COL6A2: variants seen among roughly 807,000 people sequenced by gnomAD.
COL6A2 encodes the protein collagen alpha-2(VI) chain.
Under a neutral mutation model 124.9 loss-of-function variants are expected in COL6A2, and 90 were observed. That is an observed-to-expected ratio of 0.72 (90% CI 0.61 to 0.86). The LOEUF is 0.86. Among genes scored for constraint, COL6A2 ranks in the 40% least tolerant of loss-of-function variants. The pLI, the probability that COL6A2 is intolerant of heterozygous loss-of-function variation, is 0.00. For synonymous variants in COL6A2, 793 were observed against 618.2 expected (o/e 1.28, Z -4.19); for missense variants, 1,607 against 1,502.5 (o/e 1.07, Z -1.15).
chr21:46,119,958 CTCACTCTCCAGAGT>C, intron 15 of COL6A2, 108 bp downstream of exon 15: 3 of 979,260 alleles, frequency 3.1e-6, no homozygotes, highest in East Asian at 2.6e-5. Flanking sequence ...ACCCCAGGGC[CTCACTCTCCAGAGT>C]TCACTCTCTG....
chr21:46,110,339 C>T (rs2078381617), intron 1 of COL6A2, among the ~76,000 whole-genome samples: 1 of 150,030 alleles, frequency 6.7e-6, no homozygotes, highest in African/African-American at 2.5e-5. Context: ...CTTTTAGGGA[C>T]TTTTTTTTTT....
chr21:46,130,086 G>A (rs761618721), intron 27 of COL6A2, among the ~76,000 whole-genome samples: 4 of 152,220 alleles, frequency 2.6e-5, no homozygotes, highest in Non-Finnish European at 5.9e-5. Context: ...GGTGGCAGGT[G>A]AAGGCTTCCG....
At chr21:46,109,269 G>C (rs1379229925) in intron 1 of COL6A2, among the ~76,000 whole-genome samples, 1 of 152,180 alleles carries the variant, frequency 6.6e-6, no homozygotes. Flanking sequence ...TCAGCAGAGA[G>C]AGCACCTCCT....
intron 14 of COL6A2, among the ~76,000 whole-genome samples, chr21:46,119,321 C>T (rs2078524913): frequency 6.6e-6 from 1 of 152,318 alleles, no homozygotes; most frequent in African/African-American, 2.4e-5. Context: ...AAAGCCCAGG[C>T]AGGTCCTCCA....
chr21:46,126,746 A>G (rs980689425), intron 27 of COL6A2, among the ~76,000 whole-genome samples: 4 of 152,154 alleles, frequency 2.6e-5, no homozygotes, highest in African/African-American at 4.8e-5. Flanking sequence ...CCAGGAACGC[A>G]GGAACAGCAT....
chr21:46,124,185 G>C (rs1045264289), intron 21 of COL6A2, among the ~76,000 whole-genome samples: 1 of 150,504 alleles, frequency 6.6e-6, no homozygotes, highest in Admixed American at 6.6e-5. Flanking sequence ...AGGATGGGTG[G>C]ATGAATGGAT....
intron 13 of COL6A2, 92 bp from the exon 14 acceptor site, chr21:46,118,938 A>G (rs2078518231): frequency 1.8e-6 from 2 of 1,102,588 alleles, no homozygotes; most frequent in East Asian, 2.5e-5. Context: ...CCGCTGGAAG[A>G]TAATAGGGGC....
chr21:46,124,755 C>T, intron 22 of COL6A2, 42 bp downstream of exon 22: 4 of 1,605,082 alleles, frequency 2.5e-6, no homozygotes, highest in African/African-American at 1.3e-5. Context: ...CCCAACCTGC[C>T]AGGCCAACAC....
At chr21:46,108,168 C>T (rs1329599404) in intron 1 of COL6A2, among the ~76,000 whole-genome samples, 1 of 150,996 alleles carries the variant, frequency 6.6e-6, no homozygotes, top group Non-Finnish European at 1.5e-5. Context: ...ACAATCCTAT[C>T]TTTAATAAGG....
rs1209306942 is a variant in COL6A2, at chr21:46,115,911, C to T, written c.841C>T (p.Gln281Ter). 1 of 1,612,832 alleles carries T rather than the reference C, an allele frequency of 6.2e-7. No individual in the cohort carries two copies. The highest frequency in any genetic ancestry group is 8.5e-7 in the Non-Finnish European group (1 of 1,180,012). ...CATGGGTGAGCCGGGAGAGCCTGGC[C>T]AGAAGGGAAGACAGGTGAGTGTCCT... The part of the protein sequence containing the change: ...GNMGEPGEPG[Q>*]KGRQGDPGIE... The change falls in exon 6 of 28, where the codon CAG (glutamine) becomes TAG (stop). Residue 281 changes from glutamine (Q) to a stop codon, truncating the protein, a stop_gained. Transcript: ENST00000300527. LOFTEE classifies it high-confidence loss of function.
rs772646535 is a variant in COL6A2 at position 46,111,562 on chromosome 21, A to C, written c.86A>C (p.Asp29Ala). The change falls in exon 2 of 28, where the codon GAC becomes GCC. Residue 29 changes from aspartate (D) to alanine (A), a missense_variant. Asp to Ala is a moderately radical substitution (Grantham distance 126). Around this residue, in one of 3 missense-constraint regions of COL6A2, gnomAD observed 342 missense variants for 381.5 expected, o/e 0.90. Coordinates refer to ENST00000300527, the MANE Select transcript of COL6A2 (RefSeq NM_001849.4). ...QAQQQEVISPDTTERNNNCPE... is the reference protein window; with the variant it reads ...QAQQQEVISPATTERNNNCPE... The stretch of plus-strand genomic sequence containing the variant: ...CAGCAGCAGGAGGTCATCTCGCCGG[A>C]CACTACCGAGAGAAACAACAACTGC... 6.2e-7 allele frequency: 1 copy of C among 1,612,764 alleles called. No homozygotes were observed. The highest frequency in any genetic ancestry group is 1.3e-5 in the African/African-American group (1 of 74,980).
At chr21:46,109,700 G>A (rs771978567) in intron 1 of COL6A2, among the ~76,000 whole-genome samples, 19 of 152,184 alleles carry the variant, frequency 1.2e-4, no homozygotes, top group Non-Finnish European at 2.8e-4. Flanking sequence ...GCACCCACCC[G>A]GCCAGGCTGT....
At chr21:46,111,796 C>T (rs1360801921) in intron 2 of COL6A2, among the ~76,000 whole-genome samples, 183 bp from the exon 3 acceptor site, 2 of 8,990 alleles carry the variant, frequency 2.2e-4, no homozygotes, top group Non-Finnish European at 2.0e-4. Flanking sequence ...GGTCGGGGGC[C>T]GGGGGCTCTG....
At chr21:46,119,251 T>C in intron 14 of COL6A2, 132 bp downstream of exon 14, 2 of 751,244 alleles carry the variant, frequency 2.7e-6, no homozygotes, top group Non-Finnish European at 2.3e-6. Context: ...CAGGCCCCCA[T>C]CCTCCCAAGA....
chr21:46,128,752 G>A, intron 27 of COL6A2: 3 of 752,796 alleles, frequency 4.0e-6, no homozygotes, highest in African/African-American at 1.7e-5. Flanking sequence ...GACAGTTCTG[G>A]GTGTAGAGGA....
rs377210303 is a variant in COL6A2 at position 46,124,689 on chromosome 21, G to C, written c.1710G>C (p.Gly570=). 3 of 1,612,882 alleles carry C rather than the reference G, an allele frequency of 1.9e-6. No homozygotes were observed. Among genetic ancestry groups the C allele is most frequent in the East Asian group, 2.2e-5 (1 of 44,872 alleles). Residue 570 remains glycine (G), a synonymous_variant, in exon 22 of 28, where the codon GGG becomes GGC. Coordinates refer to ENST00000300527, the MANE Select transcript of COL6A2 (RefSeq NM_001849.4). ...CCCCTGGTGAGCCAGGCCCTCGGGG[G>C]CCAAGAGGAGTCCCAGGACCCGAGG... ...PGPPGEPGPR[G]PRGVPGPEGE...
intron 14 of COL6A2, 70 bp from the exon 15 acceptor site, chr21:46,119,718 G>GC (rs2078530077): frequency 7.1e-7 from 1 of 1,417,286 alleles, no homozygotes; most frequent in Admixed American, 2.0e-5. Context: ...CCCCGGCACA[G>GC]CCCCCACCCT....
rs557020749 is a variant in COL6A2 at position 46,126,868 on chromosome 21, C to T, written c.2461+327C>T. Among the ~76,000 whole-genome samples the T allele has an allele frequency of 9.2e-5, 14 of 152,294 alleles. 1 individual carries two copies. The highest frequency in any genetic ancestry group is 5.2e-4 in the Admixed American group (8 of 15,306). On this transcript the variant is annotated intron_variant, in intron 27 of 27. Transcript: ENST00000300527. The stretch of plus-strand genomic sequence containing the variant: ...GTCTCCCTCAGCTGCCGCCCAGCTC[C>T]CATGGGCTGGCCGTGCATGTGCCAC...
At chr21:46,130,654 G>A (rs954784030) in intron 27 of COL6A2, among the ~76,000 whole-genome samples, 5 of 152,184 alleles carry the variant, frequency 3.3e-5, no homozygotes, top group South Asian at 4.1e-4. Flanking sequence ...ACTGATGAAT[G>A]GACAGAGACC....
Sources: allele counts gnomAD v4.1 joint callset (sites outside exome capture counted in the v4.1 genomes callset), GRCh38; gene constraint gnomAD v4.1.1; regional missense constraint gnomAD v4.1.1; transcripts MANE v1.5; gene names NCBI Gene and HGNC (gene_info 2026-07-23, HGNC 2026-07-21).